Variants in NSD2 observed in about 807,000 individuals in gnomAD.
NSD2 encodes nuclear receptor binding SET domain protein 2, also known as histone-lysine N-methyltransferase NSD2.
NSD2 carries 12 observed loss-of-function variants against 139.0 expected under a neutral mutation model. That is an observed-to-expected ratio of 0.09 (90% CI 0.06 to 0.14). The LOEUF (loss-of-function observed/expected upper bound fraction) is 0.14, where lower values mean the gene tolerates loss of function less well. NSD2 is among the 10% of genes least tolerant of loss of function. The pLI is 1.00. For synonymous variants in NSD2, 669 were observed against 648.7 expected, an observed-to-expected ratio of 1.03 and a Z score of -0.48; for missense variants, 1,155 against 1,745.0, an observed-to-expected ratio of 0.66 and a Z score of 6.02.
At chr4:1,944,206 A>G (rs1723390017) in intron 9 of NSD2, 2 of 1,066,036 alleles carry the variant, frequency 1.9e-6, no homozygotes, top group Non-Finnish European at 2.3e-6. Flanking sequence ...TTCAGATGCC[A>G]GGAGTGGGCT....
intron 6 of NSD2, among the ~76,000 whole-genome samples, chr4:1,933,132 A>G (rs968346758): frequency 1.6e-4 from 25 of 152,326 alleles, no homozygotes; most frequent in Middle Eastern, 3.4e-3. Context: ...CCCCCATCAC[A>G]CCAGGCTGGA....
At chr4:1,947,933 G>T (rs866203436) in intron 9 of NSD2, 1 of 1,056,370 alleles carries the variant, frequency 9.5e-7, no homozygotes, top group African/African-American at 1.7e-5. Flanking sequence ...ATCTGACTGC[G>T]GCTCATACAG....
chr4:1,981,827 C>G lies in NSD2; in HGVS notation c.*2918C>G. ...CTGTCAGTTGCCAAATATCTTGATC[C>G]TATGAGTGTAGTTGATGACTGTTTG... On this transcript the variant is annotated 3_prime_UTR_variant, in exon 22 of 22. Transcript: ENST00000508803. 1 of 398,426 alleles carries G rather than the reference C, an allele frequency of 2.5e-6. No homozygotes were observed. The highest frequency in any genetic ancestry group is 4.4e-6 in the Non-Finnish European group (1 of 226,070). The allele number at this position is 398,426 out of a possible 1,614,324, so 24.7% of individuals were successfully genotyped here.
At chr4:1,928,923 T>G (rs992613904) in intron 5 of NSD2, among the ~76,000 whole-genome samples, 4 of 151,728 alleles carry the variant, frequency 2.6e-5, no homozygotes, top group African/African-American at 9.7e-5. Context: ...ATGGCAGCAA[T>G]CAGGGTAGGG....
chr4:1,928,254 C>A (rs964475893), intron 5 of NSD2, among the ~76,000 whole-genome samples: 7 of 152,098 alleles, frequency 4.6e-5, no homozygotes, highest in African/African-American at 1.7e-4. Context: ...GTGCTTATCA[C>A]ATGTCAGATA....
chr4:1,939,645 A>G lies in NSD2; in HGVS notation c.1757-9A>G. 1 of 1,613,934 alleles carries G rather than the reference A, an allele frequency of 6.2e-7. No individual in the cohort carries two copies. Among genetic ancestry groups the G allele is most frequent in the Non-Finnish European group, 8.5e-7 (1 of 1,179,798 alleles). ...ATTTGAAACTTTACAAACCAAAATT[A>G]TTTTACAGCAACGAAAAATCTGTCT... is the stretch of plus-strand genomic sequence containing the variant. On this transcript the variant is annotated splice_polypyrimidine_tract_variant and intron_variant, in intron 8 of 21. Transcript: ENST00000508803.
intron 3 of NSD2, among the ~76,000 whole-genome samples, chr4:1,908,565 GA>G (rs1384046185): frequency 6.6e-6 from 1 of 152,170 alleles, no homozygotes; most frequent in Non-Finnish European, 1.5e-5. Context: ...AATCTTAAAA[GA>G]AAAGGGGTCA....
At chr4:1,907,444 G>A (rs890162056) in intron 3 of NSD2, among the ~76,000 whole-genome samples, 1 of 151,400 alleles carries the variant, frequency 6.6e-6, no homozygotes, top group African/African-American at 2.5e-5. Flanking sequence ...AAAACATAAT[G>A]CCAAATGGGT....
Position 1,900,697 on chromosome 4 carries a change from G to A in NSD2, c.43G>A (p.Val15Ile). The change falls in exon 2 of 22, where the codon GTT becomes ATT. Residue 15 changes from valine to isoleucine, a missense_variant. By Grantham distance (29) the Val-to-Ile change is conservative. Around this residue, in one of 8 missense-constraint regions of NSD2, gnomAD observed 246 missense variants for 262.8 expected, o/e 0.94. Transcript: ENST00000508803. The stretch of plus-strand genomic sequence containing the variant: ...GCAGAGTCCCCTTTCTGTTCAGAGT[G>A]TTGTAAAGTGCATAAAGATGAAGCA... Reference protein sequence around the residue: ...IKQSPLSVQSVVKCIKMKQAP... With the variant: ...IKQSPLSVQSIVKCIKMKQAP... 6.2e-7 allele frequency: 1 copy of A among 1,612,636 alleles called. No individual in the cohort carries two copies. Among genetic ancestry groups the A allele is most frequent in the African/African-American group, 1.3e-5 (1 of 74,934 alleles).
rs750474771 is a variant in NSD2, at chr4:1,974,594, G to T, written c.3373-269G>T. The T allele has an allele frequency of 1.7e-6, 1 of 584,478 alleles. No individual in the cohort carries two copies. Among genetic ancestry groups the T allele is most frequent in the South Asian group, 1.6e-5 (1 of 62,168 alleles). The allele number at this position is 584,478 out of a possible 1,614,324, so 36.2% of individuals were successfully genotyped here. A position where few individuals can be genotyped will look rare whatever the true frequency, so the allele number is the denominator to read the frequency against. ...CCTTAGCTCCCTTGTTTGCCATCAT[G>T]GAGGATGCTGGGAGCTCCAGCTCCC... On this transcript the variant is annotated intron_variant, in intron 18 of 21. Coordinates refer to ENST00000508803, the MANE Select transcript of NSD2 (RefSeq NM_001042424.3). This position sits in a 1 kb window ranked among gnomAD's most constrained non-coding sequence, Gnocchi z 4.0.
intron 1 of NSD2, among the ~76,000 whole-genome samples, chr4:1,895,317 A>G (rs923504019): frequency 1.3e-5 from 2 of 152,178 alleles, no homozygotes; most frequent in African/African-American, 4.8e-5. Flanking sequence ...GTTCAATGTT[A>G]TAATCCCAAC....
At position 1,909,084 on chromosome 4, in the gene NSD2, A is replaced by G. The variant is rs184773372; in HGVS notation, c.760+4706A>G. ...GCTCCTCCCTAAAAAAAAAAGAGTT[A>G]TATATTTTAGTTCTTATTTTCTTAA... On this transcript the variant is annotated intron_variant, in intron 3 of 21. Transcript: ENST00000508803. Among the ~76,000 whole-genome samples the G allele has an allele frequency of 3.2e-3, 480 of 152,034 alleles. 1 individual carries two copies. The highest frequency in any genetic ancestry group is 0.011 in the African/African-American group (464 of 41,456).
At chr4:1,964,595 T>C (rs1725684770) in intron 18 of NSD2, among the ~76,000 whole-genome samples, 1 of 152,190 alleles carries the variant, frequency 6.6e-6, no homozygotes, top group Non-Finnish European at 1.5e-5. Context: ...TGATTGCTGC[T>C]TCTGATCACA....
At chr4:1,903,935 T>C (rs1717539657) in intron 2 of NSD2, among the ~76,000 whole-genome samples, 1 of 152,028 alleles carries the variant, frequency 6.6e-6, no homozygotes, top group Non-Finnish European at 1.5e-5. Context: ...AGGGTTTCAT[T>C]GTGTTAGCCA....
intron 9 of NSD2, chr4:1,941,625 T>A: frequency 1.9e-6 from 2 of 1,036,220 alleles, no homozygotes; most frequent in Non-Finnish European, 2.3e-6. Context: ...ATATGTGAAA[T>A]TAATACACCT....
chr4:1,884,670 G>A (rs1714948104), intron 1 of NSD2, among the ~76,000 whole-genome samples: 1 of 152,076 alleles, frequency 6.6e-6, no homozygotes, highest in South Asian at 2.1e-4. Flanking sequence ...AGGATTATAG[G>A]CGTGAGCCAC....
At position 1,976,995 on chromosome 4, in the gene NSD2, G is replaced by A. The variant is rs563740019; in HGVS notation, c.3826+316G>A. ...CATGCTGTGGGGGCGGGGCGGCCAG[G>A]AAGGAGGCGACGCTGGGAACTAAAG... is the stretch of plus-strand genomic sequence containing the variant. On this transcript the variant is annotated intron_variant, in intron 21 of 21. Transcript: ENST00000508803. The surrounding 1 kb of genome is among the most constrained non-coding windows in gnomAD (Gnocchi z 5.3). Among the ~76,000 whole-genome samples, 122 of 152,382 alleles carry A rather than the reference G, an allele frequency of 8.0e-4. No individual in the cohort carries two copies. The highest frequency in any genetic ancestry group is 1.3e-3 in the Non-Finnish European group (89 of 68,026).
At chr4:1,882,175 C>A (rs987236652) in intron 1 of NSD2, among the ~76,000 whole-genome samples, 1 of 152,116 alleles carries the variant, frequency 6.6e-6, no homozygotes, top group African/African-American at 2.4e-5. Context: ...AAAACCTTTC[C>A]TTTGTCCCTG....
At chr4:1,895,821 G>T (rs1446772222) in intron 1 of NSD2, among the ~76,000 whole-genome samples, 1 of 152,210 alleles carries the variant, frequency 6.6e-6, no homozygotes, top group South Asian at 2.1e-4. Context: ...TTAGGCGGAG[G>T]CTTGGGGTTC....
Sources: allele counts gnomAD v4.1 joint callset (sites outside exome capture counted in the v4.1 genomes callset), GRCh38; gene constraint gnomAD v4.1.1; regional missense constraint gnomAD v4.1.1; non-coding constraint Gnocchi (gnomAD v3.1); transcripts MANE v1.5; gene names NCBI Gene and HGNC (gene_info 2026-07-23, HGNC 2026-07-21).